ARHGAP32: variants seen among roughly 807,000 people sequenced by gnomAD.
ARHGAP32 encodes rho GTPase-activating protein 32.
Under a neutral mutation model 186.5 loss-of-function variants are expected in ARHGAP32, and 51 were observed. The ratio of observed to expected loss-of-function variants is 0.27; its 90% CI spans 0.22 to 0.35. The LOEUF (loss-of-function observed/expected upper bound fraction) is 0.35, where lower values mean the gene tolerates loss of function less well. Among genes scored for constraint, ARHGAP32 ranks in the 10% least tolerant of loss-of-function variants. The pLI is 1.00. For synonymous variants in ARHGAP32, 950 were observed against 964.3 expected (o/e 0.99, Z 0.27); for missense variants, 2,186 against 2,623.5 (o/e 0.83, Z 3.64).
rs548543825 is a variant in ARHGAP32, at chr11:129,214,373, A to G, written c.-4-49946T>C. 4.0e-3 allele frequency among the ~76,000 whole-genome samples: 606 copies of G among 152,336 alleles called. 2 individuals carry two copies. Among genetic ancestry groups the G allele is most frequent in the African/African-American group, 0.014 (571 of 41,578 alleles). On this transcript the variant is annotated intron_variant, in intron 1 of 6. Coordinates refer to the ARHGAP32 transcript ENST00000525234. ...GAGGTCAACGAGAAGTCTCTGTTCTATATCTGCAACTTTTCCATAAATCTA... is the reference window on the plus strand; with the variant it reads ...GAGGTCAACGAGAAGTCTCTGTTCTGTATCTGCAACTTTTCCATAAATCTA...
At chr11:129,240,964 C>T (rs548784638) in intron 1 of ARHGAP32, among the ~76,000 whole-genome samples, 4 of 152,228 alleles carry the variant, frequency 2.6e-5, no homozygotes, top group African/African-American at 4.8e-5. Flanking sequence ...AGTTTAACTC[C>T]GTGGTTAAGA....
chr11:129,160,673 G>C (rs1349699828), intron 2 of ARHGAP32, among the ~76,000 whole-genome samples: 1 of 152,140 alleles, frequency 6.6e-6, no homozygotes, highest in Non-Finnish European at 1.5e-5. Flanking sequence ...CAAACAAATA[G>C]AAAGATATTC....
chr11:129,017,365 T>C (rs1348713899), intron 11 of ARHGAP32, among the ~76,000 whole-genome samples: 2 of 151,468 alleles, frequency 1.3e-5, no homozygotes, highest in Non-Finnish European at 2.9e-5. Context: ...GGAGAATCAT[T>C]TGAACCTGGA....
chr11:129,254,343 T>G (rs978552062), intron 1 of ARHGAP32, among the ~76,000 whole-genome samples: 1 of 152,112 alleles, frequency 6.6e-6, no homozygotes, highest in African/African-American at 2.4e-5. Flanking sequence ...CATATGGGAA[T>G]CTGGAATACA....
intron 18 of ARHGAP32, 43 bp from the exon 19 acceptor site, chr11:128,978,958 T>C: frequency 6.5e-7 from 1 of 1,533,726 alleles, no homozygotes; most frequent in East Asian, 2.3e-5. Flanking sequence ...TAGCCATGGG[T>C]CTGTCTTTTC....
At chr11:128,974,094 A>T (rs763523247) in intron 21 of ARHGAP32, 30 bp downstream of exon 21, 2 of 1,606,282 alleles carry the variant, frequency 1.2e-6, no homozygotes, top group African/African-American at 2.7e-5. Context: ...CTCTTAACTT[A>T]AAGAAAGAAT....
chr11:129,073,266 A>G (rs1940928591), intron 6 of ARHGAP32, among the ~76,000 whole-genome samples: 1 of 152,248 alleles, frequency 6.6e-6, no homozygotes, highest in Non-Finnish European at 1.5e-5. Context: ...CACATCAGAA[A>G]AAGAGTCAAA....
intron 1 of ARHGAP32, among the ~76,000 whole-genome samples, chr11:129,177,634 T>G (rs1943949773): frequency 6.6e-6 from 1 of 152,160 alleles, no homozygotes; most frequent in Admixed American, 6.5e-5. Flanking sequence ...TGGTTCAATA[T>G]AAGCAAATCA....
intron 11 of ARHGAP32, among the ~76,000 whole-genome samples, chr11:128,999,144 G>A (rs953877682): frequency 3.3e-5 from 5 of 152,270 alleles, no homozygotes; most frequent in Middle Eastern, 3.4e-3. Context: ...GAGAAATATC[G>A]CTGAATTCTT....
In ARHGAP32 at chr11:129,093,714, C is replaced by A. The variant is rs1380122431; in HGVS notation, c.445-7G>T. 4.5e-6 allele frequency: 7 copies of A among 1,570,658 alleles called. No individual in the cohort carries two copies. Among genetic ancestry groups the A allele is most frequent in the Admixed American group, 1.9e-5 (1 of 54,016 alleles). ...GTTCTTCTGAAAGTGAAAGCTACAT[C>A]ACAGAAAAAAAAGAAGAGGGGGAAA... On this transcript the variant is annotated splice_region_variant and splice_polypyrimidine_tract_variant and intron_variant, in intron 5 of 22. Transcript: ENST00000682385.
chr11:129,174,170 A>T (rs1261109267), intron 1 of ARHGAP32, among the ~76,000 whole-genome samples: 3 of 152,196 alleles, frequency 2.0e-5, no homozygotes, highest in African/African-American at 7.2e-5. Context: ...TAGTCAAAGA[A>T]AGGGGTGACA....
At chr11:129,170,000 A>C (rs376227851) in intron 1 of ARHGAP32, among the ~76,000 whole-genome samples, 3 of 152,176 alleles carry the variant, frequency 2.0e-5, no homozygotes, top group Non-Finnish European at 4.4e-5. Flanking sequence ...GGTTGATATA[A>C]TGAACACAGT....
chr11:129,042,894 G>A (rs1163237455), intron 10 of ARHGAP32, among the ~76,000 whole-genome samples: 4 of 152,164 alleles, frequency 2.6e-5, no homozygotes, highest in Non-Finnish European at 5.9e-5. Flanking sequence ...CTGGGAAACT[G>A]CTCATGCCGA....
chr11:129,196,742 C>A (rs777211772), upstream of ARHGAP32, among the ~76,000 whole-genome samples: 1 of 152,118 alleles, frequency 6.6e-6, no homozygotes, highest in Non-Finnish European at 1.5e-5. Flanking sequence ...CCAGGATTAT[C>A]CAGTTCATAA....
chr11:129,029,503 T>A (rs910999753), intron 11 of ARHGAP32, among the ~76,000 whole-genome samples: 1 of 152,060 alleles, frequency 6.6e-6, no homozygotes, highest in African/African-American at 2.4e-5. Context: ...AGTTGCTCCA[T>A]TTGTTAAAAA....
intron 11 of ARHGAP32, among the ~76,000 whole-genome samples, chr11:129,015,601 C>T (rs1591533986): frequency 2.0e-5 from 3 of 152,216 alleles, no homozygotes; most frequent in African/African-American, 2.4e-5. Context: ...ATCCATGTAA[C>T]GACATACTGT....
chr11:129,021,498 C>T (rs1262304448), intron 11 of ARHGAP32, among the ~76,000 whole-genome samples: 1 of 152,058 alleles, frequency 6.6e-6, no homozygotes, highest in Non-Finnish European at 1.5e-5. Context: ...AACACAGAAC[C>T]TGCTCATGCT....
chr11:128,997,862 C>A (rs1475221613), intron 12 of ARHGAP32, among the ~76,000 whole-genome samples: 2 of 152,068 alleles, frequency 1.3e-5, no homozygotes, highest in African/African-American at 4.8e-5. Context: ...CCACTGCACT[C>A]CAGCGTGGGC....
At chr11:129,098,678 C>T (rs552877598) in intron 5 of ARHGAP32, among the ~76,000 whole-genome samples, 35 of 152,248 alleles carry the variant, frequency 2.3e-4, no homozygotes, top group Admixed American at 1.9e-3. Context: ...CTCGGCCTCC[C>T]AAAGTGTGGC....
Sources: gnomAD v4.1 joint callset for allele counts (sites outside exome capture counted in the v4.1 genomes callset) on GRCh38, gnomAD v4.1.1 for gene constraint, MANE v1.5 for transcripts, NCBI Gene and HGNC (gene_info 2026-07-23, HGNC 2026-07-21) for gene names.